The following CADPS variants were observed in gnomAD, a reference collection of about 807,000 sequenced individuals.
CADPS encodes the protein calcium dependent secretion activator.
In CADPS, 57 loss-of-function variants were observed where a neutral mutation model predicts 167.3. That is an observed-to-expected ratio of 0.34 (90% CI 0.28 to 0.42). CADPS has a LOEUF of 0.42. Ranked by LOEUF, CADPS falls within the 20% of genes least tolerant of loss-of-function variation. The pLI is 1.00. For missense variants in CADPS, 1,414 were observed against 1,738.1 expected (o/e 0.81, Z 3.32); for synonymous variants, 676 against 635.3 (o/e 1.06, Z -0.96).
rs186681224 is a variant in CADPS at position 62,622,394 on chromosome 3, C to T, written c.1325+23328G>A. ...GTTTCCCAGGCCTTTTAGTTTTTTC[C>T]GGGCCACTGAAACTTCTTCCTAAAG... On this transcript the variant is annotated intron_variant, in intron 6 of 29. Coordinates refer to ENST00000383710, the MANE Select transcript of CADPS (RefSeq NM_003716.4). 4.4e-3 allele frequency among the ~76,000 whole-genome samples: 675 copies of T among 152,158 alleles called. 6 individuals carry two copies. The highest frequency in any genetic ancestry group is 0.032 in the Admixed American group (493 of 15,290).
intron 26 of CADPS, among the ~76,000 whole-genome samples, chr3:62,456,418 C>G (rs2058684981): frequency 6.6e-6 from 1 of 152,142 alleles, no homozygotes; most frequent in Admixed American, 6.6e-5. Flanking sequence ...GTAGTAAATT[C>G]TGGGTAGACA....
chr3:62,624,801 G>A (rs993784526), intron 6 of CADPS, among the ~76,000 whole-genome samples: 9 of 151,974 alleles, frequency 5.9e-5, no homozygotes, highest in African/African-American at 1.9e-4. Flanking sequence ...TGTAGATCAG[G>A]GTTATCCTTT....
intron 6 of CADPS, among the ~76,000 whole-genome samples, chr3:62,640,156 C>T (rs2067136916): frequency 6.6e-6 from 1 of 152,124 alleles, no homozygotes; most frequent in Non-Finnish European, 1.5e-5. Context: ...AAGTATCTAC[C>T]CTTTCATATC....
intron 3 of CADPS, among the ~76,000 whole-genome samples, chr3:62,749,343 G>C (rs2082198373): frequency 6.6e-6 from 1 of 152,194 alleles, no homozygotes; most frequent in South Asian, 2.1e-4. Flanking sequence ...AAAAATGGCA[G>C]TTACTGGCAG....
At chr3:62,865,302 C>A (rs1287441187) in intron 1 of CADPS, among the ~76,000 whole-genome samples, 1 of 150,966 alleles carries the variant, frequency 6.6e-6, no homozygotes, top group Non-Finnish European at 1.5e-5. Flanking sequence ...GGCATGTTTG[C>A]CAAAATCCCA....
chr3:62,660,201 T>C (rs916356470), intron 4 of CADPS, among the ~76,000 whole-genome samples: 1 of 152,132 alleles, frequency 6.6e-6, no homozygotes, highest in African/African-American at 2.4e-5. Context: ...AGCAAGTAAA[T>C]TAAAGGTGCC....
chr3:62,756,026 C>T (rs549928777), intron 2 of CADPS, among the ~76,000 whole-genome samples: 11 of 151,826 alleles, frequency 7.2e-5, no homozygotes, highest in Non-Finnish European at 1.6e-4. Context: ...ATCATCTCCC[C>T]TCTCTGATTC....
intron 21 of CADPS, among the ~76,000 whole-genome samples, chr3:62,484,364 A>G (rs2062490825): frequency 6.6e-6 from 1 of 152,184 alleles, no homozygotes; most frequent in Admixed American, 6.5e-5. Flanking sequence ...TTTAAGTAGC[A>G]CTTAGTTCCA....
chr3:62,737,218 G>T (rs755627660), intron 3 of CADPS, among the ~76,000 whole-genome samples: 66 of 152,184 alleles, frequency 4.3e-4, no homozygotes, highest in Non-Finnish European at 7.5e-4. Flanking sequence ...GGAAGCCAAG[G>T]TGGGAAGATC....
chr3:62,464,484 GGCAGGGAAGCAT>G (rs1443534864), intron 26 of CADPS, among the ~76,000 whole-genome samples: 1 of 152,166 alleles, frequency 6.6e-6, no homozygotes, highest in Non-Finnish European at 1.5e-5. Context: ...TGTCAGAAAT[GGCAGGGAAGCAT>G]GCAGCTGTGG....
At chr3:62,445,017 T>C (rs902948681) in intron 27 of CADPS, among the ~76,000 whole-genome samples, 6 of 152,222 alleles carry the variant, frequency 3.9e-5, no homozygotes, top group South Asian at 2.1e-4. Context: ...TACTGGAATA[T>C]ATTAAAATCT....
intron 27 of CADPS, chr3:62,439,129 C>T (rs1186650947): frequency 1.3e-5 from 2 of 152,042 alleles, no homozygotes; most frequent in Admixed American, 6.6e-5. Flanking sequence ...CTCAAATTTC[C>T]ACAGTAGATA....
chr3:62,590,613 G>C (rs2085757673), intron 7 of CADPS, among the ~76,000 whole-genome samples: 1 of 151,952 alleles, frequency 6.6e-6, no homozygotes, highest in African/African-American at 2.4e-5. Flanking sequence ...TGATTCTATA[G>C]ATGAAAGCCA....
At position 62,544,893 on chromosome 3, in the gene CADPS, G is replaced by T. The variant is rs2076216134; in HGVS notation, c.1966+5010C>A. On this transcript the variant is annotated intron_variant, in intron 11 of 29. Coordinates refer to ENST00000383710, the MANE Select transcript of CADPS (RefSeq NM_003716.4). This position sits in a 1 kb window ranked among gnomAD's most constrained non-coding sequence, Gnocchi z 4.4. ...TAGCAGGGTAAGAAGGAACAAACCA[G>T]AATAACATAAAGACTAGCAACAAGG... 1 of 1,221,824 alleles carries T rather than the reference G, an allele frequency of 8.2e-7. No homozygotes were observed. The highest frequency in any genetic ancestry group is 1.0e-6 in the Non-Finnish European group (1 of 954,052). 75.7% of individuals were successfully genotyped at this position (1,221,824 alleles called of 1,614,324 possible). A position where few individuals can be genotyped will look rare whatever the true frequency, so the allele number is the denominator to read the frequency against.
intron 3 of CADPS, among the ~76,000 whole-genome samples, chr3:62,681,484 T>A (rs2077149944): frequency 6.6e-6 from 1 of 152,012 alleles, no homozygotes; most frequent in Non-Finnish European, 1.5e-5. Flanking sequence ...AGAAAATGGA[T>A]CTTCCTTCTA....
At chr3:62,839,739 G>T (rs568577131) in intron 1 of CADPS, among the ~76,000 whole-genome samples, 1 of 152,124 alleles carries the variant, frequency 6.6e-6, no homozygotes, top group Non-Finnish European at 1.5e-5. Flanking sequence ...GATGGAAAAC[G>T]GCAAGAACCA....
At chr3:62,522,698 T>C (rs1418530909) in intron 13 of CADPS, among the ~76,000 whole-genome samples, 1 of 152,226 alleles carries the variant, frequency 6.6e-6, no homozygotes, top group Non-Finnish European at 1.5e-5. Flanking sequence ...TAATAGATGA[T>C]GTCTTTGAAC....
intron 8 of CADPS, among the ~76,000 whole-genome samples, chr3:62,573,099 C>T (rs2152468714): frequency 6.6e-6 from 1 of 152,278 alleles, no homozygotes; most frequent in South Asian, 2.1e-4. Context: ...CTAGGCTGGT[C>T]TCGAACTCTT....
At chr3:62,685,099 C>A (rs2077767837) in intron 3 of CADPS, among the ~76,000 whole-genome samples, 1 of 151,894 alleles carries the variant, frequency 6.6e-6, no homozygotes. Flanking sequence ...AGGGATTCAC[C>A]CATTTGATAA....
Sources: allele counts gnomAD v4.1 joint callset (sites outside exome capture counted in the v4.1 genomes callset), GRCh38; gene constraint gnomAD v4.1.1; non-coding constraint Gnocchi (gnomAD v3.1); transcripts MANE v1.5; gene names NCBI Gene and HGNC (gene_info 2026-07-23, HGNC 2026-07-21).